SETD5: variants seen among roughly 807,000 people sequenced by gnomAD.
SETD5 encodes the protein histone-lysine N-methyltransferase SETD5.
Under a neutral mutation model 153.3 loss-of-function variants are expected in SETD5, and 44 were observed. The observed-to-expected ratio is 0.29, with a 90% CI of 0.23 to 0.37. The LOEUF (loss-of-function observed/expected upper bound fraction) is 0.37. Among genes scored for constraint, SETD5 ranks in the 10% least tolerant of loss-of-function variants. The probability of loss-of-function intolerance (pLI) is 1.00; values close to 1 mark genes in which losing one functional copy is unlikely to be tolerated. For missense variants in SETD5, 1,544 were observed against 1,768.0 expected, an observed-to-expected ratio of 0.87 and a Z score of 2.27; for synonymous variants, 716 against 645.2, an observed-to-expected ratio of 1.11 and a Z score of -1.66.
rs373011373 is a variant in SETD5 at position 9,436,153 on chromosome 3, A to G, written c.567+247A>G. Among the ~76,000 whole-genome samples the G allele has an allele frequency of 1.3e-3, 203 of 152,282 alleles. 4 individuals are homozygous for G. The East Asian group carries it at 0.025, about 18-fold the overall frequency. On this transcript the variant is annotated intron_variant, in intron 7 of 22. Coordinates refer to ENST00000402198, the MANE Select transcript of SETD5 (RefSeq NM_001080517.3). The stretch of plus-strand genomic sequence containing the variant: ...GTCCCCATCCCAGGTATGAAATTCC[A>G]GCCCTACCTGGCACAATCCCGTATG...
chr3:9,431,732 C>T (rs1452196025), intron 3 of SETD5: 77 of 985,386 alleles, frequency 7.8e-5, no homozygotes, highest in Non-Finnish European at 9.3e-5. Context: ...TGCATATGTT[C>T]ATATTTACCC....
At position 9,474,526 on chromosome 3, in the gene SETD5, C is replaced by T. The variant is rs1341664076; in HGVS notation, c.3575C>T (p.Ala1192Val). Reference protein sequence around the residue: ...PKVLRSSVRVAQKGEPSPTWE... With the variant: ...PKVLRSSVRVVQKGEPSPTWE... ...GTCCTCCGAAGCAGCGTGAGGGTGG[C>T]CCAAAAGGGAGAGCCCTCTCCCACA... Residue 1192 changes from alanine to valine, a missense_variant, in exon 21 of 23, where the codon GCC becomes GTC. Coordinates refer to ENST00000402198, the MANE Select transcript of SETD5 (RefSeq NM_001080517.3). The T allele has an allele frequency of 6.2e-7, 1 of 1,613,874 alleles. No individual in the cohort carries two copies. Among genetic ancestry groups the T allele is most frequent in the South Asian group, 1.1e-5 (1 of 91,072 alleles).
At chr3:9,426,874 T>C (rs187308839) in intron 2 of SETD5, among the ~76,000 whole-genome samples, 3 of 152,118 alleles carry the variant, frequency 2.0e-5, no homozygotes, top group East Asian at 1.9e-4. Flanking sequence ...TCACCTCCAA[T>C]TGGGTGTAGG....
chr3:9,463,721 A>C (rs751468120), intron 17 of SETD5, among the ~76,000 whole-genome samples: 44 of 152,244 alleles, frequency 2.9e-4, no homozygotes, highest in Non-Finnish European at 5.1e-4. Context: ...ACACACATAT[A>C]TAAGAGATGG....
At chr3:9,468,694 G>A (rs1260657832) in intron 18 of SETD5, 11 of 837,448 alleles carry the variant, frequency 1.3e-5, no homozygotes, top group African/African-American at 1.8e-5. Context: ...GCTGGAGGGC[G>A]GCCACTCAGT....
At chr3:9,410,344 A>G (rs2036369367) in intron 1 of SETD5, among the ~76,000 whole-genome samples, 1 of 152,246 alleles carries the variant, frequency 6.6e-6, no homozygotes, top group Non-Finnish European at 1.5e-5. Context: ...TATGTGGTCC[A>G]TCCTTGACTG....
intron 17 of SETD5, among the ~76,000 whole-genome samples, chr3:9,462,756 A>G (rs965640944): frequency 6.6e-6 from 1 of 152,038 alleles, no homozygotes; most frequent in Admixed American, 6.6e-5. Flanking sequence ...AAAATTAAGA[A>G]TGTAGATATA....
intron 16 of SETD5, among the ~76,000 whole-genome samples, chr3:9,452,241 T>A (rs1409921963): frequency 6.6e-6 from 1 of 152,206 alleles, no homozygotes; most frequent in Non-Finnish European, 1.5e-5. Context: ...ATTACTCAGA[T>A]AGGAAAGCTT....
At chr3:9,445,833 T>C (rs1468830941) in intron 13 of SETD5, 93 bp downstream of exon 13, 4 of 809,846 alleles carry the variant, frequency 4.9e-6, no homozygotes, top group Non-Finnish European at 7.3e-6. Context: ...TATCATCTCA[T>C]TGATTTGACC....
At chr3:9,417,541 A>C (rs553726814) in intron 1 of SETD5, among the ~76,000 whole-genome samples, 188 of 146,188 alleles carry the variant, frequency 1.3e-3, no homozygotes, top group Non-Finnish European at 2.3e-3. Context: ...GCTGGAGTGC[A>C]GTGGCGTGAT....
intron 1 of SETD5, among the ~76,000 whole-genome samples, chr3:9,404,995 G>T (rs780704819): frequency 1.5e-4 from 23 of 152,166 alleles, no homozygotes; most frequent in Admixed American, 5.2e-4. Context: ...AAGAAACTAG[G>T]ACAAAGGGGG....
intron 17 of SETD5, among the ~76,000 whole-genome samples, chr3:9,463,301 C>T (rs1480515429): frequency 6.6e-6 from 1 of 152,176 alleles, no homozygotes. Flanking sequence ...GGATTATAGG[C>T]ATGAGCCACC....
At position 9,458,465 on chromosome 3, in the gene SETD5, A is replaced by T. The variant is rs558400350; in HGVS notation, c.2476+4597A>T. Among the ~76,000 whole-genome samples, 3 of 152,068 alleles carry T rather than the reference A, an allele frequency of 2.0e-5. No homozygotes were observed. The South Asian group carries it at 6.2e-4, about 31-fold the overall frequency. On this transcript the variant is annotated intron_variant, in intron 17 of 22. Coordinates refer to ENST00000402198, the MANE Select transcript of SETD5 (RefSeq NM_001080517.3). ...GACCCACATCTCTACAAAAAATAAAAATTAGCCAGGCATGATGGTGGGTTG... is the reference window on the plus strand; with the variant it reads ...GACCCACATCTCTACAAAAAATAAATATTAGCCAGGCATGATGGTGGGTTG...
chr3:9,472,748 T>C (rs1457815728), intron 19 of SETD5, among the ~76,000 whole-genome samples: 2 of 150,876 alleles, frequency 1.3e-5, no homozygotes, highest in Admixed American at 1.3e-4. Context: ...TCCATCTCCT[T>C]CTCCTCTCCC....
chr3:9,455,767 T>G (rs1180998769), intron 17 of SETD5, among the ~76,000 whole-genome samples: 3 of 152,194 alleles, frequency 2.0e-5, no homozygotes, highest in African/African-American at 7.2e-5. Context: ...AACAGGAGAT[T>G]GCATAGCAGT....
intron 17 of SETD5, among the ~76,000 whole-genome samples, chr3:9,461,383 G>C (rs866448751): frequency 6.6e-6 from 1 of 152,162 alleles, no homozygotes; most frequent in South Asian, 2.1e-4. Flanking sequence ...AGTAGTTTAG[G>C]TAAGGCAAGA....
intron 1 of SETD5, among the ~76,000 whole-genome samples, chr3:9,422,523 T>C (rs2038563320): frequency 6.6e-6 from 1 of 152,248 alleles, no homozygotes; most frequent in African/African-American, 2.4e-5. Context: ...AAAATAAGTA[T>C]AAATTTTCAT....
chr3:9,425,051 G>GTTTTTTTTTTTTTTTTTTT (rs1559380190), intron 2 of SETD5, among the ~76,000 whole-genome samples: 12 of 91,408 alleles, frequency 1.3e-4, no homozygotes, highest in African/African-American at 6.0e-4. Flanking sequence ...TACCGACAAT[G>GTTTTTTTTTTTTTTTTTTT]TTTCTTTTTT....
intron 17 of SETD5, among the ~76,000 whole-genome samples, chr3:9,463,928 G>A (rs1233687035): frequency 6.6e-6 from 1 of 152,216 alleles, no homozygotes; most frequent in Non-Finnish European, 1.5e-5. Flanking sequence ...AGGAGTTGAA[G>A]ACCAGCCTGG....
Sources: allele counts gnomAD v4.1 joint callset (sites outside exome capture counted in the v4.1 genomes callset), GRCh38; gene constraint gnomAD v4.1.1; transcripts MANE v1.5; gene names NCBI Gene and HGNC (gene_info 2026-07-23, HGNC 2026-07-21).